CADPS: variants seen among roughly 807,000 people sequenced by gnomAD.
The protein encoded by CADPS is calcium-dependent secretion activator 1.
A neutral mutation model predicts 167.3 loss-of-function variants in CADPS; 57 were observed. The observed-to-expected ratio is 0.34, with a 90% CI of 0.28 to 0.42. CADPS has a LOEUF of 0.42. CADPS is among the 20% of genes least tolerant of loss of function. The pLI is 1.00. For missense variants in CADPS, 1,414 were observed against 1,738.1 expected (o/e 0.81, Z 3.32); for synonymous variants, 676 against 635.3 (o/e 1.06, Z -0.96).
chr3:62,832,353 G>A (rs1186677554), intron 1 of CADPS, among the ~76,000 whole-genome samples: 1 of 152,220 alleles, frequency 6.6e-6, no homozygotes, highest in African/African-American at 2.4e-5. Flanking sequence ...TATGATCTCA[G>A]AGGAATAGAG....
chr3:62,734,902 A>C (rs1427793052), intron 3 of CADPS, among the ~76,000 whole-genome samples: 1 of 152,160 alleles, frequency 6.6e-6, no homozygotes, highest in Admixed American at 6.6e-5. Context: ...TTTACATTTG[A>C]AACATGGCTA....
At chr3:62,657,426 T>C (rs1471400443) in intron 4 of CADPS, among the ~76,000 whole-genome samples, 1 of 152,188 alleles carries the variant, frequency 6.6e-6, no homozygotes, top group Non-Finnish European at 1.5e-5. Flanking sequence ...CCAAAAGAAC[T>C]GGCAAATATC....
chr3:62,453,504 A>G (rs1040335805), intron 26 of CADPS, among the ~76,000 whole-genome samples: 1 of 152,188 alleles, frequency 6.6e-6, no homozygotes, highest in Non-Finnish European at 1.5e-5. Context: ...ACCAAAACCT[A>G]ACAGAACCAA....
intron 3 of CADPS, among the ~76,000 whole-genome samples, chr3:62,710,348 T>C (rs2083159353): frequency 6.6e-6 from 1 of 151,840 alleles, no homozygotes; most frequent in South Asian, 2.1e-4. Flanking sequence ...TAAATTAGAC[T>C]CTTCAGAGGT....
intron 17 of CADPS, among the ~76,000 whole-genome samples, chr3:62,508,708 G>A (rs934297454): frequency 6.6e-6 from 1 of 152,152 alleles, no homozygotes; most frequent in African/African-American, 2.4e-5. Flanking sequence ...GGGTCATGGT[G>A]AGAATTAAAT....
At chr3:62,749,405 A>G (rs1388354755) in intron 3 of CADPS, among the ~76,000 whole-genome samples, 1 of 152,234 alleles carries the variant, frequency 6.6e-6, no homozygotes, top group Non-Finnish European at 1.5e-5. Flanking sequence ...AGCAGAAATC[A>G]GATTACAGCT....
intron 1 of CADPS, among the ~76,000 whole-genome samples, chr3:62,768,133 G>GA (rs1331117363): frequency 6.6e-6 from 1 of 152,144 alleles, no homozygotes; most frequent in Admixed American, 6.5e-5. Flanking sequence ...AAATTGAAGA[G>GA]AAAATCACAG....
At chr3:62,734,853 C>A (rs1410188265) in intron 3 of CADPS, among the ~76,000 whole-genome samples, 1 of 152,088 alleles carries the variant, frequency 6.6e-6, no homozygotes, top group African/African-American at 2.4e-5. Flanking sequence ...CTCCCCATAG[C>A]AATGTAGAAA....
intron 1 of CADPS, among the ~76,000 whole-genome samples, chr3:62,857,249 G>A (rs958284734): frequency 5.9e-5 from 9 of 152,070 alleles, no homozygotes; most frequent in African/African-American, 1.7e-4. Context: ...ATAACGCATC[G>A]AGTTGGCAAA....
In CADPS at chr3:62,637,848, A is replaced by C. The variant is rs1461484075; in HGVS notation, c.1325+7874T>G. Among the ~76,000 whole-genome samples, 7 of 152,220 alleles carry C rather than the reference A, an allele frequency of 4.6e-5. No individual in the cohort carries two copies. The Middle Eastern group carries it at 0.01, about 222-fold the overall frequency. On this transcript the variant is annotated intron_variant, in intron 6 of 29. Transcript: ENST00000383710. ...TTCCATTAGTAAAATGAGAATAACAATAGTACCTATCTCATAGGTTATGGT... is the reference window on the plus strand; with the variant it reads ...TTCCATTAGTAAAATGAGAATAACACTAGTACCTATCTCATAGGTTATGGT...
intron 26 of CADPS, among the ~76,000 whole-genome samples, chr3:62,456,544 C>T (rs1347389211): frequency 6.6e-6 from 1 of 152,064 alleles, no homozygotes; most frequent in African/African-American, 2.4e-5. Context: ...AAACTTTCTT[C>T]TTGACATAAG....
At chr3:62,823,377 T>G (rs1045301437) in intron 1 of CADPS, among the ~76,000 whole-genome samples, 1 of 152,224 alleles carries the variant, frequency 6.6e-6, no homozygotes, top group Non-Finnish European at 1.5e-5. Context: ...ACTTGTATAT[T>G]CCAAAGTTAA....
At chr3:62,788,359 A>G (rs191487729) in intron 1 of CADPS, among the ~76,000 whole-genome samples, 20 of 152,278 alleles carry the variant, frequency 1.3e-4, no homozygotes, top group African/African-American at 3.6e-4. Context: ...GTTTTCTCAG[A>G]TAAAAACCAA....
chr3:62,510,149 C>T (rs2067474578), intron 17 of CADPS, among the ~76,000 whole-genome samples: 2 of 152,022 alleles, frequency 1.3e-5, no homozygotes, highest in South Asian at 4.2e-4. Flanking sequence ...CTCTCCTTTC[C>T]TCTCCTCTCT....
At chr3:62,869,124 G>A (rs532403323) in intron 1 of CADPS, among the ~76,000 whole-genome samples, 13 of 152,088 alleles carry the variant, frequency 8.5e-5, no homozygotes, top group Non-Finnish European at 1.6e-4. Flanking sequence ...GTGCTTCAAT[G>A]AGCATTTCTA....
chr3:62,549,895 T>G lies in CADPS; in HGVS notation c.1966+8A>C. ...GAGCTATTTTTGTAAAACGGCATAT[T>G]TACTTACAAAATTGAGAGATAGGGG... is the stretch of plus-strand genomic sequence containing the variant. On this transcript the variant is annotated splice_region_variant and intron_variant, in intron 11 of 29. Transcript: ENST00000383710. The G allele has an allele frequency of 1.2e-6, 2 of 1,609,132 alleles. No individual in the cohort carries two copies. Among genetic ancestry groups the G allele is most frequent in the East Asian group, 4.5e-5 (2 of 44,838 alleles).
intron 3 of CADPS, among the ~76,000 whole-genome samples, chr3:62,668,811 G>T (rs1460976942): frequency 6.6e-6 from 1 of 152,118 alleles, no homozygotes; most frequent in Non-Finnish European, 1.5e-5. Context: ...TAAATGCCTG[G>T]CAGATGAATA....
At chr3:62,794,966 C>T (rs972185947) in intron 1 of CADPS, among the ~76,000 whole-genome samples, 1 of 152,090 alleles carries the variant, frequency 6.6e-6, no homozygotes. Flanking sequence ...TTTGCCAGAG[C>T]GCTATGGGTT....
chr3:62,630,471 C>T (rs917529101), intron 6 of CADPS, among the ~76,000 whole-genome samples: 3 of 152,086 alleles, frequency 2.0e-5, no homozygotes, highest in Non-Finnish European at 2.9e-5. Flanking sequence ...GCCTTAGCCT[C>T]CTGAGTAGCT....
Sources: allele counts gnomAD v4.1 joint callset (sites outside exome capture counted in the v4.1 genomes callset), GRCh38; gene constraint gnomAD v4.1.1; transcripts MANE v1.5; gene names NCBI Gene and HGNC (gene_info 2026-07-23, HGNC 2026-07-21).